METTL16: variants seen among roughly 807,000 people sequenced by gnomAD.
METTL16 encodes methyltransferase 16, RNA N6-adenosine.
A neutral mutation model predicts 57.9 loss-of-function variants in METTL16; 19 were observed. The observed-to-expected ratio is 0.33, with a 90% CI of 0.23 to 0.48. The LOEUF (loss-of-function observed/expected upper bound fraction) is 0.48, where lower values mean the gene tolerates loss of function less well. METTL16 is among the 20% of genes least tolerant of loss of function. METTL16 has a pLI of 0.99. For missense variants in METTL16, 434 were observed against 691.5 expected (o/e 0.63, Z 4.18); for synonymous variants, 246 against 255.6 (o/e 0.96, Z 0.36).
At chr17:2,506,728 C>T (rs1362390005) in intron 1 of METTL16, among the ~76,000 whole-genome samples, 4 of 152,112 alleles carry the variant, frequency 2.6e-5, no homozygotes, top group Non-Finnish European at 5.9e-5. Flanking sequence ...AAGTGAGGAG[C>T]GTCTCTGCCT....
intron 7 of METTL16, among the ~76,000 whole-genome samples, chr17:2,438,994 T>C (rs570561777): frequency 6.6e-5 from 10 of 152,230 alleles, no homozygotes; most frequent in African/African-American, 2.4e-4. Flanking sequence ...GACCAGAAAC[T>C]CTGCTCCTCC....
rs530999468 is a variant in METTL16 at position 2,421,522 on chromosome 17, C to G, written c.889-618G>C. ...CCACGTTCTTTCCAGCCGCACCGCA[C>G]TGCCTTTGTTCTGGCTATCAGATGT... On this transcript the variant is annotated intron_variant, in intron 8 of 9. Coordinates refer to ENST00000263092, the MANE Select transcript of METTL16 (RefSeq NM_024086.4). Among the ~76,000 whole-genome samples the G allele has an allele frequency of 2.0e-5, 3 of 152,326 alleles. No homozygotes were observed. The East Asian group carries it at 5.8e-4, about 29-fold the overall frequency.
chr17:2,447,727 G>T (rs2067017626), intron 6 of METTL16, among the ~76,000 whole-genome samples: 2 of 140,992 alleles, frequency 1.4e-5, no homozygotes, highest in African/African-American at 2.7e-5. Context: ...CCCCCGCCCG[G>T]CCAGCCGCCC....
At chr17:2,489,241 A>C (rs2067365916) in intron 2 of METTL16, among the ~76,000 whole-genome samples, 1 of 152,104 alleles carries the variant, frequency 6.6e-6, no homozygotes, top group Non-Finnish European at 1.5e-5. Context: ...AGCAGCTTGA[A>C]GCCAGGCCTT....
chr17:2,436,861 G>C (rs2151548078), intron 8 of METTL16: 1 of 150,886 alleles, frequency 6.6e-6, no homozygotes, highest in South Asian at 2.1e-4. Flanking sequence ...AGAGACATCT[G>C]TGAACAAACC....
intron 6 of METTL16, among the ~76,000 whole-genome samples, chr17:2,447,342 G>C (rs369514715): frequency 2.9e-5 from 4 of 140,008 alleles, no homozygotes; most frequent in Admixed American, 6.7e-5. Flanking sequence ...CCCTCTGCCT[G>C]GCAACCGCCC....
At position 2,493,622 on chromosome 17, in the gene METTL16, G is replaced by A. The variant is rs181328558; in HGVS notation, c.128+8582C>T. Among the ~76,000 whole-genome samples, 9 of 151,862 alleles carry A rather than the reference G, an allele frequency of 5.9e-5. No homozygotes were observed. The East Asian group carries it at 1.8e-3, about 30-fold the overall frequency. ...TAATTCCAGCTACTCAGGAGACTGA[G>A]GCACATGAATTGCTTGAGCTCAGGT... On this transcript the variant is annotated intron_variant, in intron 2 of 9. Transcript: ENST00000263092.
At chr17:2,490,934 T>A (rs1021102947) in intron 2 of METTL16, among the ~76,000 whole-genome samples, 1 of 152,226 alleles carries the variant, frequency 6.6e-6, no homozygotes, top group African/African-American at 2.4e-5. Context: ...GACATTAAGC[T>A]GAGGCTAGTT....
intron 8 of METTL16, among the ~76,000 whole-genome samples, chr17:2,435,306 G>A (rs910320776): frequency 2.1e-4 from 32 of 152,092 alleles, no homozygotes; most frequent in Non-Finnish European, 4.4e-4. Context: ...GCGGGAGTGG[G>A]GGTGGGGAAA....
chr17:2,480,454 C>A (rs959730021), intron 2 of METTL16, among the ~76,000 whole-genome samples: 11 of 152,110 alleles, frequency 7.2e-5, no homozygotes, highest in Non-Finnish European at 1.3e-4. Context: ...CTATAGTGGA[C>A]CCTGAAGAGA....
intron 2 of METTL16, among the ~76,000 whole-genome samples, chr17:2,485,596 C>A (rs1017203400): frequency 6.6e-6 from 1 of 152,274 alleles, no homozygotes; most frequent in South Asian, 2.1e-4. Flanking sequence ...ATTTTGAGCA[C>A]TACTTTGTTC....
At chr17:2,425,892 G>A (rs748913198) in intron 8 of METTL16, among the ~76,000 whole-genome samples, 17 of 152,052 alleles carry the variant, frequency 1.1e-4, no homozygotes, top group African/African-American at 2.7e-4. Flanking sequence ...CTGCCATGTC[G>A]CCCAGACTGG....
At position 2,420,959 on chromosome 17, in the gene METTL16, C is replaced by T. The variant is rs2066761404; in HGVS notation, c.889-55G>A. The T allele has an allele frequency of 6.3e-7, 1 of 1,576,176 alleles. No individual in the cohort carries two copies. Among genetic ancestry groups the T allele is most frequent in the African/African-American group, 1.4e-5 (1 of 73,214 alleles). On this transcript the variant is annotated intron_variant, in intron 8 of 9. Coordinates refer to ENST00000263092, the MANE Select transcript of METTL16 (RefSeq NM_024086.4). The surrounding 1 kb of genome is among the most constrained non-coding windows in gnomAD (Gnocchi z 5.4). ...AAGAAAGTTATCCGAATAATTAAAC[C>T]TCATGCATTGTAATGAACTCAGAGA...
At chr17:2,493,103 G>A (rs1271043811) in intron 2 of METTL16, among the ~76,000 whole-genome samples, 2 of 147,506 alleles carry the variant, frequency 1.4e-5, no homozygotes, top group Non-Finnish European at 3.0e-5. Flanking sequence ...TCCATCATTA[G>A]TTGAGTTTAT....
chr17:2,510,507 AGATTC>A (rs1310944991), intron 1 of METTL16, among the ~76,000 whole-genome samples: 3 of 152,362 alleles, frequency 2.0e-5, no homozygotes, highest in Admixed American at 6.5e-5. Context: ...CAGACATGGC[AGATTC>A]GATTCATTTC....
chr17:2,467,325 G>A, intron 5 of METTL16, among the ~76,000 whole-genome samples: 1 of 152,156 alleles, frequency 6.6e-6, no homozygotes, highest in Non-Finnish European at 1.5e-5. Flanking sequence ...ACCAGCTTGA[G>A]CAACACAGCG....
intron 6 of METTL16, among the ~76,000 whole-genome samples, chr17:2,445,955 C>G (rs761877434): frequency 1.3e-5 from 2 of 151,902 alleles, no homozygotes; most frequent in Non-Finnish European, 2.9e-5. Context: ...GTTTAATATT[C>G]AAAAATCAAT....
intron 3 of METTL16, among the ~76,000 whole-genome samples, chr17:2,474,666 C>T (rs1226816460): frequency 6.6e-6 from 1 of 152,234 alleles, no homozygotes; most frequent in Non-Finnish European, 1.5e-5. Flanking sequence ...TGGCTCACAC[C>T]TGTAGTCCCA....
At chr17:2,474,386 G>GAAAA (rs752477163) in intron 3 of METTL16, among the ~76,000 whole-genome samples, 6 of 60,218 alleles carry the variant, frequency 1.0e-4, no homozygotes, top group South Asian at 7.2e-4. Context: ...GAAACAAAAA[G>GAAAA]AAAAAAAAAA....
Sources: gnomAD v4.1 joint callset for allele counts (sites outside exome capture counted in the v4.1 genomes callset) on GRCh38, gnomAD v4.1.1 for gene constraint, Gnocchi (gnomAD v3.1) non-coding constraint, MANE v1.5 for transcripts, NCBI Gene and HGNC (gene_info 2026-07-23, HGNC 2026-07-21) for gene names.